Variants in PJA2 observed in about 807,000 individuals in gnomAD.
PJA2 encodes praja ring finger ubiquitin ligase 2.
Under a neutral mutation model 69.3 loss-of-function variants are expected in PJA2, and 25 were observed. That is an observed-to-expected ratio of 0.36 (90% CI 0.26 to 0.50). The LOEUF is 0.50. Among genes scored for constraint, PJA2 ranks in the 20% least tolerant of loss-of-function variants. PJA2 has a pLI of 0.96. For synonymous variants in PJA2, 308 were observed against 277.8 expected (o/e 1.11, Z -1.08); for missense variants, 809 against 830.2 (o/e 0.97, Z 0.31).
intron 9 of PJA2, among the ~76,000 whole-genome samples, chr5:109,342,622 C>T (rs1762094738): frequency 1.9e-5 from 2 of 104,428 alleles, no homozygotes; most frequent in Admixed American, 8.3e-5. Flanking sequence ...GCCCCTCTGC[C>T]CGGCCAGCCG....
intron 1 of PJA2, among the ~76,000 whole-genome samples, chr5:109,390,005 T>C (rs1189423158): frequency 6.6e-6 from 1 of 151,990 alleles, no homozygotes; most frequent in Non-Finnish European, 1.5e-5. Context: ...TACTACTTTA[T>C]GACCCAGAAT....
intron 4 of PJA2, among the ~76,000 whole-genome samples, chr5:109,371,569 A>T (rs1762675412): frequency 6.6e-6 from 1 of 152,136 alleles, no homozygotes; most frequent in South Asian, 2.1e-4. Flanking sequence ...TCCAAATTAG[A>T]CCTATATAGT....
chr5:109,395,188 C>A (rs781406089), intron 1 of PJA2, among the ~76,000 whole-genome samples: 4 of 152,066 alleles, frequency 2.6e-5, no homozygotes, highest in Non-Finnish European at 5.9e-5. Context: ...GTGTAACATA[C>A]ATGAGAAATA....
At chr5:109,404,497 C>A (rs1015232470) in intron 1 of PJA2, among the ~76,000 whole-genome samples, 7 of 151,738 alleles carry the variant, frequency 4.6e-5, no homozygotes, top group African/African-American at 1.7e-4. Context: ...GCCTAGCCGA[C>A]AGAGCAAGAC....
chr5:109,394,682 T>C (rs1367899654), intron 1 of PJA2, among the ~76,000 whole-genome samples: 1 of 152,162 alleles, frequency 6.6e-6, no homozygotes, highest in African/African-American at 2.4e-5. Flanking sequence ...ATGCAATTAA[T>C]TATTAGACAA....
rs1450809244 is a variant in PJA2, at chr5:109,381,556, C to A, written c.179G>T (p.Gly60Val). The stretch of plus-strand genomic sequence containing the variant: ...TAGTTCCAACACTTCATAGTCATCA[C>A]CAGCCCGACCTAAGCTTCTTTCATG... ...TRHERSLGRA[G>V]DDYEVLELDD... Residue 60 changes from glycine (G) to valine (V), a missense_variant, in exon 3 of 10, where the codon GGT (glycine) becomes GTT (valine). Coordinates refer to ENST00000361189, the MANE Select transcript of PJA2 (RefSeq NM_014819.5). 2 of 1,613,916 alleles carry A rather than the reference C, an allele frequency of 1.2e-6. No homozygotes were observed. Among genetic ancestry groups the A allele is most frequent in the Non-Finnish European group, 1.7e-6 (2 of 1,180,012 alleles).
chr5:109,381,428 C>A lies in PJA2; in HGVS notation c.232+75G>T, dbSNP rs559707537. On this transcript the variant is annotated intron_variant, in intron 3 of 9. Transcript: ENST00000361189. Reference sequence around the variant, plus strand: ...TTACACTCACAGACATGCATAATACCCACCCAAAAATTTAATTATAAGATC... The same window carrying A: ...TTACACTCACAGACATGCATAATACACACCCAAAAATTTAATTATAAGATC... 149 of 1,238,938 alleles carry A rather than the reference C, an allele frequency of 1.2e-4. 2 individuals are homozygous for A. In the South Asian group the frequency reaches 1.9e-3, roughly 16 times the overall value. 76.7% of individuals were successfully genotyped at this position (1,238,938 alleles called of 1,614,324 possible).
intron 6 of PJA2, among the ~76,000 whole-genome samples, chr5:109,357,714 T>C (rs754024902): frequency 6.6e-6 from 1 of 152,258 alleles, no homozygotes; most frequent in East Asian, 1.9e-4. Flanking sequence ...TAAGGTGGTA[T>C]GTACCAGTGC....
In PJA2 at chr5:109,344,687, GA is replaced by G. The variant is rs1450550232; in HGVS notation, c.1879+17del. The G allele has an allele frequency of 6.7e-7, 1 of 1,501,506 alleles. No homozygotes were observed. The highest frequency in any genetic ancestry group is 9.2e-7 in the Non-Finnish European group (1 of 1,081,470). The allele number at this position is 1,501,506 out of a possible 1,614,324, so 93.0% of individuals were successfully genotyped here. ...GTACAATGTGTTCTTCAACATTTGA[GA>G]TCAACTTTGCCCTTACCAGTGTGAT... On this transcript the variant is annotated intron_variant, in intron 8 of 9. Coordinates refer to ENST00000361189, the MANE Select transcript of PJA2 (RefSeq NM_014819.5).
intron 1 of PJA2, among the ~76,000 whole-genome samples, chr5:109,389,748 C>A (rs1046105917): frequency 6.6e-6 from 1 of 151,970 alleles, no homozygotes; most frequent in Non-Finnish European, 1.5e-5. Flanking sequence ...ATAAAGTTAC[C>A]TCTAAGCATT....
intron 5 of PJA2, among the ~76,000 whole-genome samples, chr5:109,365,282 T>C (rs992895723): frequency 7.9e-5 from 12 of 152,208 alleles, no homozygotes; most frequent in Non-Finnish European, 1.3e-4. Flanking sequence ...TCTTAGAATA[T>C]GTGACTTTAA....
intron 7 of PJA2, among the ~76,000 whole-genome samples, chr5:109,352,810 A>C (rs551177389): frequency 6.6e-6 from 1 of 151,128 alleles, no homozygotes; most frequent in South Asian, 2.1e-4. Context: ...TGTATATATT[A>C]GATATCTATA....
intron 7 of PJA2, among the ~76,000 whole-genome samples, chr5:109,353,745 T>TTAGATATCTATGATATCTAGAGATATCTA (rs1762329255): frequency 1.8e-5 from 2 of 108,162 alleles, no homozygotes; most frequent in African/African-American, 4.6e-5. Context: ...GATATCTAGA[T>TTAGATATCTATGATATCTAGAGATATCTA]TAGATATCTA....
chr5:109,383,632 T>A, intron 1 of PJA2, 112 bp from the exon 2 acceptor site: 1 of 471,860 alleles, frequency 2.1e-6, no homozygotes, highest in South Asian at 3.5e-5. Context: ...AAAAATACAA[T>A]GTGATGTAGC....
In PJA2 at chr5:109,348,065, C is replaced by A. The variant is rs544540096; in HGVS notation, c.1765-3246G>T. On this transcript the variant is annotated intron_variant, in intron 7 of 9. Transcript: ENST00000361189. ...CCAATGAGAATGGGATGCTATTAAT[C>A]CATAGTCTGTAGTGGCATCACAATT... is the stretch of plus-strand genomic sequence containing the variant. Among the ~76,000 whole-genome samples, 20 of 152,260 alleles carry A rather than the reference C, an allele frequency of 1.3e-4. No individual in the cohort carries two copies. In the South Asian group the frequency reaches 3.3e-3, roughly 25 times the overall value.
At chr5:109,349,124 G>A (rs80347834) in intron 7 of PJA2, among the ~76,000 whole-genome samples, 29 of 152,284 alleles carry the variant, frequency 1.9e-4, no homozygotes, top group African/African-American at 7.0e-4. Flanking sequence ...ATTTTGTTGG[G>A]TGGAAATACA....
chr5:109,344,151 T>C (rs546593651), intron 9 of PJA2, 39 bp downstream of exon 9: 87 of 1,305,192 alleles, frequency 6.7e-5, no homozygotes, highest in Non-Finnish European at 8.4e-5. Context: ...GAAGACACTA[T>C]TAAAGTATTT....
chr5:109,396,720 G>A (rs1476457829), intron 1 of PJA2, among the ~76,000 whole-genome samples: 2 of 125,400 alleles, frequency 1.6e-5, no homozygotes, highest in Non-Finnish European at 3.2e-5. Context: ...CACCGCACCC[G>A]GCCTAACATG....
chr5:109,374,736 G>C (rs1006656233), intron 4 of PJA2, among the ~76,000 whole-genome samples: 2 of 152,130 alleles, frequency 1.3e-5, no homozygotes, highest in African/African-American at 2.4e-5. Flanking sequence ...TAAGTCCTAA[G>C]GCCACAAAAA....
Sources: gnomAD v4.1 joint callset for allele counts (sites outside exome capture counted in the v4.1 genomes callset) on GRCh38, gnomAD v4.1.1 for gene constraint, MANE v1.5 for transcripts, NCBI Gene and HGNC (gene_info 2026-07-23, HGNC 2026-07-21) for gene names.